Variants in WWP2 observed in about 807,000 individuals in gnomAD.
WWP2 encodes the protein WW domain containing E3 ubiquitin protein ligase 2.
In WWP2, 57 loss-of-function variants were observed where a neutral mutation model predicts 121.0. That is an observed-to-expected ratio of 0.47 (90% CI 0.38 to 0.59). The LOEUF (loss-of-function observed/expected upper bound fraction) is 0.59, where lower values mean the gene tolerates loss of function less well. Among genes scored for constraint, WWP2 ranks in the 20% least tolerant of loss-of-function variants. The pLI is 0.00. For missense variants in WWP2, 962 were observed against 1,158.9 expected (o/e 0.83, Z 2.47); for synonymous variants, 449 against 441.3 (o/e 1.02, Z -0.22).
At chr16:69,895,781 C>T (rs1452596470) in intron 8 of WWP2, among the ~76,000 whole-genome samples, 1 of 152,128 alleles carries the variant, frequency 6.6e-6, no homozygotes. Flanking sequence ...AAAAAAGTTT[C>T]TAAGTGCTTA....
intron 9 of WWP2, chr16:69,909,460 GT>G: frequency 1.0e-6 from 1 of 985,544 alleles, no homozygotes; most frequent in Non-Finnish European, 1.2e-6. Flanking sequence ...GAGAGCCCGT[GT>G]GCCCTGTTTG....
At chr16:69,933,465 G>A (rs1391826390) in intron 16 of WWP2, among the ~76,000 whole-genome samples, 1 of 152,206 alleles carries the variant, frequency 6.6e-6, no homozygotes, top group Non-Finnish European at 1.5e-5. Flanking sequence ...GGATTACATT[G>A]TCATGGATCG....
chr16:69,853,698 T>C lies in WWP2; in HGVS notation c.575+11578T>C, dbSNP rs114599537. Among the ~76,000 whole-genome samples, 849 of 152,154 alleles carry C rather than the reference T, an allele frequency of 5.6e-3. 5 individuals carry two copies. Among genetic ancestry groups the C allele is most frequent in the African/African-American group, 0.019 (805 of 41,508 alleles). ...ACAATTGATGACTAGCCTTGGGCAGTAGCGAATAGAGAGGAGACAAGAGAA... is the reference window on the plus strand; with the variant it reads ...ACAATTGATGACTAGCCTTGGGCAGCAGCGAATAGAGAGGAGACAAGAGAA... On this transcript the variant is annotated intron_variant, in intron 6 of 23. Coordinates refer to ENST00000359154, the MANE Select transcript of WWP2 (RefSeq NM_001270454.2).
At chr16:69,855,895 A>G (rs1005925354) in intron 6 of WWP2, among the ~76,000 whole-genome samples, 1 of 152,198 alleles carries the variant, frequency 6.6e-6, no homozygotes, top group Non-Finnish European at 1.5e-5. Flanking sequence ...CTAGAGTACA[A>G]TTTGACATAT....
chr16:69,763,986 T>G (rs1353343682), intron 1 of WWP2, among the ~76,000 whole-genome samples: 1 of 152,222 alleles, frequency 6.6e-6, no homozygotes, highest in Non-Finnish European at 1.5e-5. Flanking sequence ...ACTTCATGAT[T>G]ACTTTCCCAT....
At chr16:69,933,253 AT>A in intron 16 of WWP2, 1 of 410,366 alleles carries the variant, frequency 2.4e-6, no homozygotes. Context: ...CCCTTGGGAC[AT>A]CCCCTTGCTG....
intron 8 of WWP2, among the ~76,000 whole-genome samples, chr16:69,890,531 A>G (rs921126897): frequency 7.9e-5 from 12 of 151,554 alleles, no homozygotes; most frequent in African/African-American, 2.4e-4. Context: ...TCAAGCCTGT[A>G]TGTTATAATT....
chr16:69,924,998 G>A, intron 10 of WWP2: 1 of 991,656 alleles, frequency 1.0e-6, no homozygotes, highest in Non-Finnish European at 1.2e-6. Context: ...TTCCCCTCCT[G>A]CGTGTGGTTC....
intron 8 of WWP2, among the ~76,000 whole-genome samples, chr16:69,901,451 C>T (rs1411200001): frequency 1.3e-5 from 2 of 152,070 alleles, no homozygotes; most frequent in African/African-American, 2.4e-5. Flanking sequence ...CTTGCTCTGT[C>T]GCCCAGTCTG....
At chr16:69,798,622 CA>C in intron 2 of WWP2, 59 bp from the exon 3 acceptor site, 2 of 1,545,296 alleles carry the variant, frequency 1.3e-6, no homozygotes, top group Non-Finnish European at 1.8e-6. Context: ...ACATCTGCCA[CA>C]GGGGGGCATC....
At chr16:69,816,446 T>C (rs543655390) in intron 4 of WWP2, among the ~76,000 whole-genome samples, 13 of 148,154 alleles carry the variant, frequency 8.8e-5, no homozygotes, top group Non-Finnish European at 1.9e-4. Flanking sequence ...TCTATAACTA[T>C]ATCTATATAA....
intron 4 of WWP2, among the ~76,000 whole-genome samples, chr16:69,832,356 A>G (rs984282435): frequency 1.3e-5 from 2 of 151,826 alleles, no homozygotes; most frequent in African/African-American, 4.8e-5. Context: ...AAATCCCGAC[A>G]TACTTCAACT....
intron 2 of WWP2, among the ~76,000 whole-genome samples, chr16:69,792,867 T>C (rs1195743162): frequency 6.6e-6 from 1 of 152,116 alleles, no homozygotes; most frequent in African/African-American, 2.4e-5. Flanking sequence ...AATATTTTAT[T>C]TTTTGTAGAT....
intron 6 of WWP2, among the ~76,000 whole-genome samples, chr16:69,863,817 A>G (rs1162542308): frequency 6.6e-6 from 1 of 152,164 alleles, no homozygotes; most frequent in Non-Finnish European, 1.5e-5. Context: ...ATGGAAATGT[A>G]CACGTATAGC....
At chr16:69,895,482 C>T (rs990640028) in intron 8 of WWP2, among the ~76,000 whole-genome samples, 1 of 152,166 alleles carries the variant, frequency 6.6e-6, no homozygotes. Flanking sequence ...TACAAAAGTT[C>T]CTAAAGTGGG....
At chr16:69,840,508 C>T (rs1597034218) in intron 5 of WWP2, among the ~76,000 whole-genome samples, 1 of 152,332 alleles carries the variant, frequency 6.6e-6, no homozygotes, top group East Asian at 1.9e-4. Flanking sequence ...CAGAGAAAAA[C>T]ATCTTTCATC....
At chr16:69,909,798 T>G (rs1391131434) in intron 9 of WWP2, 2 of 718,194 alleles carry the variant, frequency 2.8e-6, no homozygotes, top group East Asian at 2.7e-4. Context: ...CAAATAGATA[T>G]AGAGAGAATA....
chr16:69,856,709 G>T (rs2057319995), intron 6 of WWP2, among the ~76,000 whole-genome samples: 2 of 152,022 alleles, frequency 1.3e-5, no homozygotes, highest in African/African-American at 4.8e-5. Flanking sequence ...GGGAGGTGGA[G>T]GTTGCAGTGA....
Position 69,936,003 on chromosome 16 carries a change from C to G in WWP2, c.1976+17C>G. On this transcript the variant is annotated intron_variant, in intron 18 of 23. Coordinates refer to ENST00000359154, the MANE Select transcript of WWP2 (RefSeq NM_001270454.2). ...CTGGATCAAGTGAGTTCCCTGCCCCCTTGCCCCACCGCGCTGATAGGAGGG... is the reference window on the plus strand; with the variant it reads ...CTGGATCAAGTGAGTTCCCTGCCCCGTTGCCCCACCGCGCTGATAGGAGGG... 1 of 1,612,526 alleles carries G rather than the reference C, an allele frequency of 6.2e-7. No homozygotes were observed. Among genetic ancestry groups the G allele is most frequent in the South Asian group, 1.1e-5 (1 of 90,832 alleles).
Sources: allele counts gnomAD v4.1 joint callset (sites outside exome capture counted in the v4.1 genomes callset), GRCh38; gene constraint gnomAD v4.1.1; transcripts MANE v1.5; gene names NCBI Gene and HGNC (gene_info 2026-07-23, HGNC 2026-07-21).